Variants in CACNA1G observed in about 807,000 individuals in gnomAD.
The protein encoded by CACNA1G is calcium voltage-gated channel subunit alpha1 G.
In CACNA1G, 67 loss-of-function variants were observed where a neutral mutation model predicts 219.4. That is an observed-to-expected ratio of 0.31 (90% confidence interval 0.25 to 0.37). The LOEUF (loss-of-function observed/expected upper bound fraction) is 0.37, where lower values mean the gene tolerates loss of function less well. CACNA1G is among the 10% of genes least tolerant of loss of function. The pLI, the probability that CACNA1G is intolerant of heterozygous loss-of-function variation, is 1.00. For synonymous variants in CACNA1G, 1,296 were observed against 1,345.3 expected, an observed-to-expected ratio of 0.96 and a Z score of 0.80; for missense variants, 2,380 against 3,231.4, an observed-to-expected ratio of 0.74 and a Z score of 6.39.
Position 50,596,691 on chromosome 17 carries a change from C to G in CACNA1G, c.3065-39C>G. On this transcript the variant is annotated intron_variant, in intron 15 of 37. Coordinates refer to ENST00000359106, the MANE Select transcript of CACNA1G (RefSeq NM_018896.5). The surrounding 1 kb of genome is among the most constrained non-coding windows in gnomAD (Gnocchi z 4.8). Reference sequence around the variant, plus strand: ...TGCGACTTTTGGCCCTGGGCCAGCCCTGTGTGGACTCGGGATCTCTCCCTC... The same window carrying G: ...TGCGACTTTTGGCCCTGGGCCAGCCGTGTGTGGACTCGGGATCTCTCCCTC... 1 of 1,613,402 alleles carries G rather than the reference C, an allele frequency of 6.2e-7. No homozygotes were observed. The highest frequency in any genetic ancestry group is 2.2e-5 in the East Asian group (1 of 44,864).
At position 50,578,778 on chromosome 17, in the gene CACNA1G, G is replaced by A. The variant is rs1213761173; in HGVS notation, c.2301+214G>A. Among the ~76,000 whole-genome samples, 4 of 152,212 alleles carry A rather than the reference G, an allele frequency of 2.6e-5. No homozygotes were observed. The highest frequency in any genetic ancestry group is 2.9e-5 in the Non-Finnish European group (2 of 68,046). ...TCTCTGAGTATGGAGGTCGCCTCAGGTAGGCCACAGGGTATGTTCTACCCA... is the reference window on the plus strand; with the variant it reads ...TCTCTGAGTATGGAGGTCGCCTCAGATAGGCCACAGGGTATGTTCTACCCA... On this transcript the variant is annotated intron_variant, in intron 9 of 37. Coordinates refer to ENST00000359106, the MANE Select transcript of CACNA1G (RefSeq NM_018896.5). This position sits in a 1 kb window ranked among gnomAD's most constrained non-coding sequence, Gnocchi z 4.5.
intron 34 of CACNA1G, among the ~76,000 whole-genome samples, chr17:50,620,342 G>A (rs2051534076): frequency 6.6e-6 from 1 of 152,224 alleles, no homozygotes; most frequent in African/African-American, 2.4e-5. Flanking sequence ...AGTGCTGTCA[G>A]GAGCCACTGA....
chr17:50,570,727 A>T (rs1359586315), intron 4 of CACNA1G, among the ~76,000 whole-genome samples: 1 of 152,060 alleles, frequency 6.6e-6, no homozygotes, highest in African/African-American at 2.4e-5. Flanking sequence ...TGGCAGATTT[A>T]TAGGCCTCTG....
chr17:50,627,095 G>A lies in CACNA1G; in HGVS notation c.*344G>A, dbSNP rs1452786219. The A allele has an allele frequency of 1.2e-5, 6 of 481,548 alleles. No individual in the cohort carries two copies. Among genetic ancestry groups the A allele is most frequent in the Non-Finnish European group, 2.0e-5 (5 of 245,752 alleles). The allele number at this position is 481,548 out of a possible 1,614,324, so 29.8% of individuals were successfully genotyped here. A position where few individuals can be genotyped will look rare whatever the true frequency, so the allele number is the denominator to read the frequency against. On this transcript the variant is annotated 3_prime_UTR_variant, in exon 38 of 38. Coordinates refer to ENST00000359106, the MANE Select transcript of CACNA1G (RefSeq NM_018896.5). ...GTATATGCGGGATGTACGACATTTT[G>A]TGACTGAAGAGACTTGTTTCCTTCT...
intron 26 of CACNA1G, among the ~76,000 whole-genome samples, chr17:50,612,246 C>A (rs2049371738): frequency 6.6e-6 from 1 of 152,246 alleles, no homozygotes; most frequent in South Asian, 2.1e-4. Flanking sequence ...ACGTGCACCG[C>A]ACCTCCCTGC....
At position 50,564,140 on chromosome 17, in the gene CACNA1G, G is replaced by GTGTGTGTT. The variant is rs1311874967; in HGVS notation, c.242+2446_242+2447insTTGTGTGT. 9.8e-4 allele frequency among the ~76,000 whole-genome samples: 148 copies of GTGTGTGTT among 151,430 alleles called. 1 individual carries two copies. The highest frequency in any genetic ancestry group is 3.3e-3 in the African/African-American group (136 of 41,126). ...CCAGGTAGGAAGTGTGTGTGTGTGTGTGTGTGTGTGTGTGTGTGTGTGTTG... is the reference window on the plus strand; with the variant it reads ...CCAGGTAGGAAGTGTGTGTGTGTGTGTGTGTGTTTGTGTGTGTGTGTGTGTGTGTGTTG... On this transcript the variant is annotated intron_variant, in intron 1 of 37. Transcript: ENST00000359106.
At position 50,603,284 on chromosome 17, in the gene CACNA1G, G is replaced by C; in HGVS notation, c.4169+85G>C. On this transcript the variant is annotated intron_variant, in intron 21 of 37. Coordinates refer to ENST00000359106, the MANE Select transcript of CACNA1G (RefSeq NM_018896.5). This position sits in a 1 kb window ranked among gnomAD's most constrained non-coding sequence, Gnocchi z 6.4. ...TCCCACCGCCAGCACTCCCTGCCAC[G>C]AAACAAAAGCCTGCACAGGCCAGCA... 1 of 1,259,138 alleles carries C rather than the reference G, an allele frequency of 7.9e-7. No homozygotes were observed. Among genetic ancestry groups the C allele is most frequent in the Non-Finnish European group, 1.1e-6 (1 of 905,260 alleles). The allele number at this position is 1,259,138 out of a possible 1,614,324, so 78.0% of individuals were successfully genotyped here.
chr17:50,610,892 A>T (rs989072600), intron 26 of CACNA1G, among the ~76,000 whole-genome samples: 1 of 152,220 alleles, frequency 6.6e-6, no homozygotes, highest in Non-Finnish European at 1.5e-5. Context: ...CCATTTCGTC[A>T]TTAAATTAGT....
At chr17:50,563,265 C>T (rs2036564231) in intron 1 of CACNA1G, 1 of 152,314 alleles carries the variant, frequency 6.6e-6, no homozygotes. Flanking sequence ...CTTCCTTTCT[C>T]TCTGAGCTGC....
intron 13 of CACNA1G, among the ~76,000 whole-genome samples, chr17:50,594,628 T>A (rs2045111722): frequency 6.6e-6 from 1 of 152,162 alleles, no homozygotes; most frequent in Admixed American, 6.5e-5. Context: ...AAGATGGCGA[T>A]CCTGGAACCC....
At position 50,599,805 on chromosome 17, in the gene CACNA1G, G is replaced by A. The variant is rs2046249478; in HGVS notation, c.3636G>A (p.Leu1212=). Residue 1212 remains leucine, a synonymous_variant, in exon 17 of 38, where the codon CTG becomes CTA. Transcript: ENST00000359106. The stretch of plus-strand genomic sequence containing the variant: ...CTTCAGGGCGCCTGGCCCGGGCCCT[G>A]CGGCCTGATGACCCCCCACTGGATG... ...KSASGRLARA[L]RPDDPPLDGD... 1 of 1,612,026 alleles carries A rather than the reference G, an allele frequency of 6.2e-7. No individual in the cohort carries two copies. The highest frequency in any genetic ancestry group is 1.3e-5 in the African/African-American group (1 of 74,956).
Position 50,592,104 on chromosome 17 carries a change from C to A in CACNA1G, c.2910+12C>A. On this transcript the variant is annotated intron_variant, in intron 13 of 37. Coordinates refer to ENST00000359106, the MANE Select transcript of CACNA1G (RefSeq NM_018896.5). ...GCTTCCAGGCGGAGGTAACCCACTG[C>A]TCTGCCCACCTCACCCTGCCCACAG... The A allele has an allele frequency of 6.2e-7, 1 of 1,604,180 alleles. No homozygotes were observed. The highest frequency in any genetic ancestry group is 8.5e-7 in the Non-Finnish European group (1 of 1,174,580).
intron 33 of CACNA1G, among the ~76,000 whole-genome samples, 182 bp from the exon 34 acceptor site, chr17:50,619,499 CCT>C (rs768695167): frequency 6.9e-6 from 1 of 144,006 alleles, no homozygotes; most frequent in East Asian, 2.0e-4. Context: ...CCCACCCCCT[CCT>C]CTTTTTCTCT....
At chr17:50,570,856 T>G (rs1477243166) in intron 4 of CACNA1G, among the ~76,000 whole-genome samples, 1 of 151,962 alleles carries the variant, frequency 6.6e-6, no homozygotes, top group African/African-American at 2.4e-5. Context: ...GTGAGAAAAC[T>G]GGGCTGGCAG....
In CACNA1G at chr17:50,595,150, C is replaced by T. The variant is rs1003769914; in HGVS notation, c.2979+89C>T. 46 of 960,740 alleles carry T rather than the reference C, an allele frequency of 4.8e-5. No homozygotes were observed. In the East Asian group the frequency reaches 1.0e-3, roughly 22 times the overall value. 59.5% of individuals were successfully genotyped at this position (960,740 alleles called of 1,614,324 possible). A position where few individuals can be genotyped will look rare whatever the true frequency, so the allele number is the denominator to read the frequency against. Reference sequence around the variant, plus strand: ...CTCCGTGTCTCTGTGCTCGTGTTCACGCTCCGCTGCTGTGCAACCTGTCAT... The same window carrying T: ...CTCCGTGTCTCTGTGCTCGTGTTCATGCTCCGCTGCTGTGCAACCTGTCAT... On this transcript the variant is annotated intron_variant, in intron 14 of 37. Transcript: ENST00000359106.
In CACNA1G at chr17:50,626,770, A is replaced by T; in HGVS notation, c.*19A>T. 2 of 1,612,750 alleles carry T rather than the reference A, an allele frequency of 1.2e-6. No homozygotes were observed. The highest frequency in any genetic ancestry group is 3.3e-4 in the Middle Eastern group (2 of 6,062). ...CCCCTGAGTCCTGCCCCACTTTCCCACTCACCTTTCTCCACTGGGTGCCAA... is the reference window on the plus strand; with the variant it reads ...CCCCTGAGTCCTGCCCCACTTTCCCTCTCACCTTTCTCCACTGGGTGCCAA... On this transcript the variant is annotated 3_prime_UTR_variant, in exon 38 of 38. Coordinates refer to ENST00000359106, the MANE Select transcript of CACNA1G (RefSeq NM_018896.5). The surrounding 1 kb of genome is among the most constrained non-coding windows in gnomAD (Gnocchi z 4.3).
At chr17:50,579,384 A>T (rs2041421765) in intron 9 of CACNA1G, among the ~76,000 whole-genome samples, 2 of 152,028 alleles carry the variant, frequency 1.3e-5, no homozygotes, top group Non-Finnish European at 2.9e-5. Flanking sequence ...CAGAGATAGA[A>T]AGGGTAGCCT....
In CACNA1G at chr17:50,591,628, C is replaced by A. The variant is rs375497166; in HGVS notation, c.2639+8C>A. The A allele has an allele frequency of 1.9e-6, 3 of 1,612,080 alleles. No homozygotes were observed. Among genetic ancestry groups the A allele is most frequent in the Non-Finnish European group, 2.5e-6 (3 of 1,178,858 alleles). On this transcript the variant is annotated splice_region_variant and intron_variant, in intron 11 of 37. Transcript: ENST00000359106. ...CTTCATCTTCATCTTCAGGTGAGGG[C>A]GGCATGGCACCTTGCCGGCTGAGAG...
chr17:50,604,522 C>T (rs1308991889), intron 22 of CACNA1G, among the ~76,000 whole-genome samples: 1 of 152,374 alleles, frequency 6.6e-6, no homozygotes, highest in Admixed American at 6.5e-5. Flanking sequence ...CCATGGGAGC[C>T]GCAGGCTGCT....
Sources: gnomAD v4.1 joint callset for allele counts (sites outside exome capture counted in the v4.1 genomes callset) on GRCh38, gnomAD v4.1.1 for gene constraint, Gnocchi (gnomAD v3.1) non-coding constraint, MANE v1.5 for transcripts, NCBI Gene and HGNC (gene_info 2026-07-23, HGNC 2026-07-21) for gene names.